GRIK1: variants seen among roughly 807,000 people sequenced by gnomAD.
GRIK1 encodes the protein glutamate ionotropic receptor kainate type subunit 1, also known as glutamate receptor ionotropic, kainate 1.
Under a neutral mutation model 105.7 loss-of-function variants are expected in GRIK1, and 69 were observed. That is an observed-to-expected ratio of 0.65 (90% confidence interval 0.54 to 0.80). The LOEUF (loss-of-function observed/expected upper bound fraction) is 0.80, where lower values mean the gene tolerates loss of function less well. GRIK1 is among the 30% of genes least tolerant of loss of function. GRIK1 has a pLI of 0.00. For missense variants in GRIK1, 1,109 were observed against 1,167.3 expected (o/e 0.95, Z 0.73); for synonymous variants, 438 against 431.3 (o/e 1.02, Z -0.19).
intron 7 of GRIK1, among the ~76,000 whole-genome samples, chr21:29,623,197 G>A (rs1254655952): frequency 6.6e-6 from 1 of 152,154 alleles, no homozygotes; most frequent in Non-Finnish European, 1.5e-5. Context: ...TTATATGGCA[G>A]CAGGCAAGAG....
At chr21:29,758,905 C>T (rs4817303) in intron 1 of GRIK1, 3,639 of 153,246 alleles carry the variant, frequency 0.024, 112 homozygotes, top group East Asian at 0.1. Flanking sequence ...TCTGGATGCA[C>T]AAGGAGCTCA....
chr21:29,886,413 T>C (rs1002218534), intron 1 of GRIK1, among the ~76,000 whole-genome samples: 2 of 152,130 alleles, frequency 1.3e-5, no homozygotes, highest in Non-Finnish European at 2.9e-5. Context: ...GACACTGCAG[T>C]GTGTTCATTG....
chr21:29,684,945 A>T (rs1045468024), intron 3 of GRIK1, among the ~76,000 whole-genome samples: 12 of 152,086 alleles, frequency 7.9e-5, no homozygotes, highest in Non-Finnish European at 1.8e-4. Context: ...CTGTCTATTA[A>T]TATCTATCAT....
At chr21:29,580,021 A>G (rs1181323380) in intron 13 of GRIK1, among the ~76,000 whole-genome samples, 2 of 144,226 alleles carry the variant, frequency 1.4e-5, no homozygotes, top group East Asian at 2.0e-4. Flanking sequence ...ATATATGTGT[A>G]TATATGTATA....
At position 29,557,127 on chromosome 21, in the gene GRIK1, A is replaced by G. The variant is rs1253582859; in HGVS notation, c.2357-1825T>C. On this transcript the variant is annotated intron_variant, in intron 15 of 17. Coordinates refer to ENST00000327783, the MANE Select transcript of GRIK1 (RefSeq NM_001330994.2). ...ATACTGGATTTTGGTTAATCAATGC[A>G]AAGGAAGAGGCAAAGTAAGATTCTT... Among the ~76,000 whole-genome samples the G allele has an allele frequency of 3.3e-5, 5 of 152,208 alleles. No homozygotes were observed. In the East Asian group the frequency reaches 9.6e-4, roughly 29 times the overall value.
chr21:29,802,806 T>C (rs550897975), intron 1 of GRIK1, among the ~76,000 whole-genome samples: 1 of 152,276 alleles, frequency 6.6e-6, no homozygotes, highest in Non-Finnish European at 1.5e-5. Flanking sequence ...ATAAAGTATA[T>C]ACTGACTTGT....
chr21:29,602,388 T>C (rs1235743049), intron 7 of GRIK1, among the ~76,000 whole-genome samples: 1 of 152,234 alleles, frequency 6.6e-6, no homozygotes, highest in African/African-American at 2.4e-5. Context: ...TTGGAAAATA[T>C]CCATTTATTG....
intron 1 of GRIK1, among the ~76,000 whole-genome samples, chr21:29,712,415 A>T (rs2064079519): frequency 6.6e-6 from 1 of 152,114 alleles, no homozygotes. Flanking sequence ...ATAACATATT[A>T]TGAAGAATAT....
At position 29,541,575 on chromosome 21, in the gene GRIK1, C is replaced by CTTTTTTT. The variant is rs34910439; in HGVS notation, c.2608-3698_2608-3692dup. Among the ~76,000 whole-genome samples, 87 of 95,948 alleles carry CTTTTTTT rather than the reference C, an allele frequency of 9.1e-4. 6 individuals are homozygous for CTTTTTTT. Among genetic ancestry groups the CTTTTTTT allele is most frequent in the African/African-American group, 3.2e-3 (67 of 20,934 alleles). The allele number at this position is 95,948 out of a possible 152,430, so 62.9% of individuals were successfully genotyped here. A position where few individuals can be genotyped will look rare whatever the true frequency, so the allele number is the denominator to read the frequency against. On this transcript the variant is annotated intron_variant, in intron 16 of 17. Transcript: ENST00000327783. ...CTATGCCATTCATTGCACTCACGGT[C>CTTTTTTT]TTTTTTTTTTTTTTTTTTTTTGTGG... is the stretch of plus-strand genomic sequence containing the variant.
chr21:29,865,206 C>G (rs2068763475), intron 1 of GRIK1, among the ~76,000 whole-genome samples: 2 of 152,142 alleles, frequency 1.3e-5, no homozygotes, highest in Admixed American at 1.3e-4. Context: ...GTTATAGTAG[C>G]ACCATGATTC....
intron 16 of GRIK1, chr21:29,553,280 C>T (rs909934442): frequency 5.7e-6 from 6 of 1,044,948 alleles, no homozygotes; most frequent in Non-Finnish European, 6.9e-6. Flanking sequence ...ATTTTTAATG[C>T]ATGAAGATAG....
intron 1 of GRIK1, among the ~76,000 whole-genome samples, chr21:29,767,960 A>G (rs148776312): frequency 2.6e-5 from 4 of 151,898 alleles, no homozygotes. Context: ...TTTTACTTCC[A>G]TGACTTGCCT....
chr21:29,591,067 C>G, intron 10 of GRIK1, 45 bp downstream of exon 10: 1 of 1,018,064 alleles, frequency 9.8e-7, no homozygotes, highest in East Asian at 2.4e-5. Flanking sequence ...AAGTCTAAGG[C>G]AGGAGCCTGG....
At chr21:29,546,601 A>G (rs2090054885) in intron 16 of GRIK1, among the ~76,000 whole-genome samples, 1 of 152,202 alleles carries the variant, frequency 6.6e-6, no homozygotes, top group South Asian at 2.1e-4. Flanking sequence ...TCTCTTTCCT[A>G]ATGGTCAGAA....
At chr21:29,637,593 T>G (rs3787670) in intron 7 of GRIK1, among the ~76,000 whole-genome samples, 28,984 of 152,164 alleles carry the variant, frequency 0.19, 2,970 homozygotes, top group Non-Finnish European at 0.23. Flanking sequence ...GAGAGATTCC[T>G]TGCCCCTTTC....
intron 7 of GRIK1, chr21:29,630,421 T>C (rs370053441): frequency 4.5e-6 from 2 of 441,626 alleles, no homozygotes; most frequent in East Asian, 7.1e-5. Flanking sequence ...CTGTAATCAA[T>C]TGACTTTGAC....
chr21:29,776,119 A>G (rs992209520), intron 1 of GRIK1, among the ~76,000 whole-genome samples: 2 of 152,202 alleles, frequency 1.3e-5, no homozygotes, highest in Non-Finnish European at 2.9e-5. Flanking sequence ...TCTCACTGTC[A>G]TGAATATAGC....
intron 1 of GRIK1, among the ~76,000 whole-genome samples, chr21:29,763,278 C>T (rs536288307): frequency 6.6e-6 from 1 of 152,184 alleles, no homozygotes; most frequent in Non-Finnish European, 1.5e-5. Flanking sequence ...GAAGAAGATG[C>T]CTGCTTCCCC....
chr21:29,556,347 T>C (rs561739044), intron 15 of GRIK1, among the ~76,000 whole-genome samples: 1 of 152,320 alleles, frequency 6.6e-6, no homozygotes, highest in South Asian at 2.1e-4. Flanking sequence ...TCTTTGATCT[T>C]GGTTGGACAC....
Sources: gnomAD v4.1 joint callset for allele counts (sites outside exome capture counted in the v4.1 genomes callset) on GRCh38, gnomAD v4.1.1 for gene constraint, MANE v1.5 for transcripts, NCBI Gene and HGNC (gene_info 2026-07-23, HGNC 2026-07-21) for gene names.